The following HEBP1 variants were observed in gnomAD, a reference collection of about 807,000 sequenced individuals.
HEBP1 encodes the protein heme-binding protein 1.
In HEBP1, 13 loss-of-function variants were observed where a neutral mutation model predicts 20.4. The observed-to-expected ratio is 0.64, with a 90% CI of 0.42 to 1.01. The LOEUF is 1.01. Ranked by LOEUF, HEBP1 falls within the 50% of genes least tolerant of loss-of-function variation. HEBP1 has a pLI of 0.00. For synonymous variants in HEBP1, 92 were observed against 90.7 expected (o/e 1.01, Z -0.08); for missense variants, 241 against 247.3 (o/e 0.97, Z 0.17).
intron 1 of HEBP1, among the ~76,000 whole-genome samples, chr12:12,990,029 A>C (rs1864199946): frequency 6.6e-6 from 1 of 152,096 alleles, no homozygotes; most frequent in Non-Finnish European, 1.5e-5. Flanking sequence ...ACCCACACAC[A>C]TCCTCATACA....
At position 12,975,311 on chromosome 12, in the gene HEBP1, T is replaced by G. The variant is rs1237189259; in HGVS notation, c.567A>C (p.Thr189=). The change falls in exon 4 of 4, where the codon ACA becomes ACC. Residue 189 remains threonine (T), a synonymous_variant. Transcript: ENST00000014930. Reference sequence around the variant, plus strand: ...AGTTCTTGGTTCAGTGGGTCACTCATGTCTTCAACAGCCAGATCTCATTGC... The same window carrying G: ...AGTTCTTGGTTCAGTGGGTCACTCAGGTCTTCAACAGCCAGATCTCATTGC... The part of the protein sequence containing the change: ...GRRNEIWLLK[T] The G allele has an allele frequency of 6.2e-7, 1 of 1,613,704 alleles. No individual in the cohort carries two copies. Among genetic ancestry groups the G allele is most frequent in the Non-Finnish European group, 8.5e-7 (1 of 1,179,848 alleles).
At chr12:12,976,120 A>G (rs1863984355) in intron 3 of HEBP1, among the ~76,000 whole-genome samples, 1 of 151,982 alleles carries the variant, frequency 6.6e-6, no homozygotes, top group Non-Finnish European at 1.5e-5. Flanking sequence ...ACCAAAACTA[A>G]AAAAGTAAAA....
intron 1 of HEBP1, among the ~76,000 whole-genome samples, chr12:12,990,589 C>T (rs998740142): frequency 3.9e-5 from 6 of 152,160 alleles, no homozygotes; most frequent in South Asian, 2.1e-4. Context: ...GGGCTTAGGC[C>T]GAACTAATTG....
intron 1 of HEBP1, among the ~76,000 whole-genome samples, chr12:12,991,201 C>T (rs899050086): frequency 2.0e-5 from 3 of 152,214 alleles, no homozygotes; most frequent in African/African-American, 7.2e-5. Flanking sequence ...TGGGCAGTTA[C>T]ACCACGCCTG....
intron 1 of HEBP1, among the ~76,000 whole-genome samples, chr12:12,991,558 C>T (rs11834741): frequency 0.069 from 10,572 of 152,270 alleles, 431 homozygotes; most frequent in African/African-American, 0.1. Context: ...TCCTTCAGTA[C>T]ATCTCCTGCT....
intron 1 of HEBP1, 94 bp from the exon 2 acceptor site, chr12:12,989,509 G>A: frequency 2.5e-6 from 3 of 1,217,972 alleles, no homozygotes; most frequent in Non-Finnish European, 3.5e-6. Context: ...AACTTTCCTT[G>A]GTGGGTATGG....
chr12:12,982,123 A>G (rs1399565809), intron 3 of HEBP1, among the ~76,000 whole-genome samples: 1 of 152,218 alleles, frequency 6.6e-6, no homozygotes, highest in Non-Finnish European at 1.5e-5. Context: ...GTGATGGCCA[A>G]TTCAACAGCT....
At chr12:12,990,551 A>T (rs1212758698) in intron 1 of HEBP1, among the ~76,000 whole-genome samples, 1 of 152,136 alleles carries the variant, frequency 6.6e-6, no homozygotes, top group Non-Finnish European at 1.5e-5. Context: ...CTTGTTTCTA[A>T]CCCTTAAGCT....
intron 1 of HEBP1, 116 bp from the exon 2 acceptor site, chr12:12,989,531 A>C: frequency 1.1e-6 from 1 of 887,580 alleles, no homozygotes; most frequent in Admixed American, 2.1e-5. Flanking sequence ...CATAGAGCAG[A>C]AGGGACAGGC....
Position 12,975,221 on chromosome 12 carries a change from G to A in HEBP1, c.*87C>T. The stretch of plus-strand genomic sequence containing the variant: ...GTTGGTTAAGTTGGACTTGCAGCTG[G>A]AACTTGGGAAGCACTGTCCCCTCCT... On this transcript the variant is annotated 3_prime_UTR_variant, in exon 4 of 4. Coordinates refer to ENST00000014930, the MANE Select transcript of HEBP1 (RefSeq NM_015987.5). The A allele has an allele frequency of 6.2e-6, 8 of 1,299,254 alleles. No individual in the cohort carries two copies. The highest frequency in any genetic ancestry group is 1.1e-6 in the Non-Finnish European group (1 of 930,986). 80.5% of individuals were successfully genotyped at this position (1,299,254 alleles called of 1,614,324 possible). A position where few individuals can be genotyped will look rare whatever the true frequency, so the allele number is the denominator to read the frequency against.
In HEBP1 at chr12:12,998,405, A is replaced by G. The variant is rs1031616759; in HGVS notation, c.78+1632T>C. ...GCAACACTGTTTCATATATCACTGC[A>G]TAGCAACAAGTGGCTGGAACTGCCG... On this transcript the variant is annotated intron_variant, in intron 1 of 3. Coordinates refer to ENST00000014930, the MANE Select transcript of HEBP1 (RefSeq NM_015987.5). This position sits in a 1 kb window ranked among gnomAD's most constrained non-coding sequence, Gnocchi z 4.2. 6.6e-6 allele frequency among the ~76,000 whole-genome samples: 1 copy of G among 152,190 alleles called. No individual in the cohort carries two copies. The highest frequency in any genetic ancestry group is 1.5e-5 in the Non-Finnish European group (1 of 68,034).
At chr12:12,975,518 T>C in intron 3 of HEBP1, 39 bp from the exon 4 acceptor site, 1 of 1,565,444 alleles carries the variant, frequency 6.4e-7, no homozygotes, top group Non-Finnish European at 8.6e-7. Flanking sequence ...CGAAAGGACA[T>C]GACCTCTGAG....
rs1208887408 is a variant in HEBP1 at position 12,993,166 on chromosome 12, C to CCT, written c.79-3753_79-3752dup. On this transcript the variant is annotated intron_variant, in intron 1 of 3. Transcript: ENST00000014930. ...CCCTCCCTTCCTTCCTTCCTTCCTTCCTCTCTCTCTCTCTCTTTCTTTCTC... is the reference window on the plus strand; with the variant it reads ...CCCTCCCTTCCTTCCTTCCTTCCTTCCTCTCTCTCTCTCTCTCTTTCTTTCTC... Among the ~76,000 whole-genome samples the CCT allele has an allele frequency of 8.5e-4, 77 of 90,754 alleles. 1 individual carries two copies. Among genetic ancestry groups the CCT allele is most frequent in the Non-Finnish European group, 1.0e-3 (54 of 53,610 alleles). The allele number at this position is 90,754 out of a possible 152,430, so 59.5% of individuals were successfully genotyped here.
chr12:12,990,141 C>A (rs12310481), intron 1 of HEBP1, among the ~76,000 whole-genome samples: 6 of 45,220 alleles, frequency 1.3e-4, no homozygotes, highest in South Asian at 1.2e-3. Context: ...CACACACACA[C>A]ACACACACAA....
At chr12:12,975,835 G>A (rs1294316869) in intron 3 of HEBP1, among the ~76,000 whole-genome samples, 1 of 152,034 alleles carries the variant, frequency 6.6e-6, no homozygotes, top group African/African-American at 2.4e-5. Flanking sequence ...CAAAGGCCAA[G>A]CCTTCACCCT....
intron 3 of HEBP1, among the ~76,000 whole-genome samples, chr12:12,985,449 T>C (rs1201810736): frequency 6.6e-6 from 1 of 152,098 alleles, no homozygotes. Flanking sequence ...TGCTTCTACC[T>C]TTCTATAAGT....
At chr12:12,988,663 C>T (rs1477802477) in intron 2 of HEBP1, among the ~76,000 whole-genome samples, 1 of 152,178 alleles carries the variant, frequency 6.6e-6, no homozygotes, top group Admixed American at 6.5e-5. Context: ...ACGAGTCAAA[C>T]TCATTTTTAA....
At chr12:12,987,875 A>T (rs1262121658) in intron 2 of HEBP1, among the ~76,000 whole-genome samples, 1 of 152,086 alleles carries the variant, frequency 6.6e-6, no homozygotes, top group Non-Finnish European at 1.5e-5. Flanking sequence ...ACCTCAAGTG[A>T]TTTGCCCATC....
chr12:12,989,286 T>C lies in HEBP1; in HGVS notation c.208A>G (p.Asn70Asp). The C allele has an allele frequency of 6.2e-7, 1 of 1,614,050 alleles. No homozygotes were observed. The highest frequency in any genetic ancestry group is 8.5e-7 in the Non-Finnish European group (1 of 1,180,010). Residue 70 changes from asparagine to aspartate, a missense_variant, in exon 2 of 4, where the codon AAT becomes GAT. Asn to Asp is a conservative substitution (Grantham distance 23, BLOSUM62 1). Coordinates refer to ENST00000014930, the MANE Select transcript of HEBP1 (RefSeq NM_015987.5). ...PKVAKYAGGT[N>D]DKGIGMGMTV... ...CTGCAGGGGTACTCACCCTTGTCAT[T>C]GGTGCCCCCCGCATACTTTGCGACC... is the stretch of plus-strand genomic sequence containing the variant.
Sources: allele counts gnomAD v4.1 joint callset (sites outside exome capture counted in the v4.1 genomes callset), GRCh38; gene constraint gnomAD v4.1.1; non-coding constraint Gnocchi (gnomAD v3.1); transcripts MANE v1.5; gene names NCBI Gene and HGNC (gene_info 2026-07-23, HGNC 2026-07-21).